ASB18: variants seen among roughly 807,000 people sequenced by gnomAD.
The protein encoded by ASB18 is ankyrin repeat and SOCS box protein 18.
In ASB18, 33 loss-of-function variants were observed where a neutral mutation model predicts 33.4. That is an observed-to-expected ratio of 0.99 (90% CI 0.75 to 1.32). The LOEUF (loss-of-function observed/expected upper bound fraction) is 1.32, where lower values mean the gene tolerates loss of function less well. ASB18 is among the 40% of genes most tolerant of loss of function. The probability of loss-of-function intolerance (pLI) is 0.00; values close to 1 mark genes in which losing one functional copy is unlikely to be tolerated. For missense variants in ASB18, 694 were observed against 655.5 expected (o/e 1.06, Z -0.64); for synonymous variants, 295 against 307.6 (o/e 0.96, Z 0.43).
intron 4 of ASB18, among the ~76,000 whole-genome samples, chr2:236,202,777 C>CAAAAAAAAAAAAAAA (rs34973734): frequency 5.8e-5 from 4 of 68,728 alleles, no homozygotes; most frequent in Non-Finnish European, 8.8e-5. Context: ...GACTCCGTCT[C>CAAAAAAAAAAAAAAA]AAAAAAAAAA....
At position 236,215,282 on chromosome 2, in the gene ASB18, G is replaced by A. The variant is rs2060482813; in HGVS notation, c.597-416C>T. On this transcript the variant is annotated intron_variant, in intron 3 of 5. Coordinates refer to ENST00000409749, the MANE Select transcript of ASB18 (RefSeq NM_212556.4). This position sits in a 1 kb window ranked among gnomAD's most constrained non-coding sequence, Gnocchi z 7.2. ...CCCTTGGGGGTCAGACTCTTTCCCG[G>A]CCCCCATCTAGCCCTTCTGGAAACC... Among the ~76,000 whole-genome samples the A allele has an allele frequency of 6.6e-6, 1 of 152,052 alleles. No homozygotes were observed. The highest frequency in any genetic ancestry group is 2.1e-4 in the South Asian group (1 of 4,824).
chr2:236,240,306 C>G (rs756555798), intron 2 of ASB18, among the ~76,000 whole-genome samples: 2 of 152,154 alleles, frequency 1.3e-5, no homozygotes, highest in Non-Finnish European at 2.9e-5. Context: ...AGGAGCTGCT[C>G]GGCCCTCTGA....
chr2:236,224,994 A>G (rs2060530661), intron 3 of ASB18, among the ~76,000 whole-genome samples: 1 of 152,198 alleles, frequency 6.6e-6, no homozygotes, highest in Non-Finnish European at 1.5e-5. Flanking sequence ...TTATGTATCA[A>G]TGCCTGTGAG....
In ASB18 at chr2:236,263,059, TGGG is replaced by T. The variant is rs2060727425; in HGVS notation, c.205+1079_205+1081del. Among the ~76,000 whole-genome samples, 1 of 152,174 alleles carries T rather than the reference TGGG, an allele frequency of 6.6e-6. No homozygotes were observed. Among genetic ancestry groups the T allele is most frequent in the African/African-American group, 2.4e-5 (1 of 41,444 alleles). On this transcript the variant is annotated intron_variant, in intron 1 of 5. Coordinates refer to ENST00000409749, the MANE Select transcript of ASB18 (RefSeq NM_212556.4). The surrounding 1 kb of genome is among the most constrained non-coding windows in gnomAD (Gnocchi z 4.0). The stretch of plus-strand genomic sequence containing the variant: ...TGCGTGTGCGTGTGTGCACCTATGT[TGGG>T]AGGGAGAATGGGGGTGGAAAGGAGC...
rs1405729986 is a variant in ASB18 at position 236,250,795 on chromosome 2, GC to G, written c.206-9394del. 6.6e-6 allele frequency: 1 copy of G among 152,136 alleles called. No individual in the cohort carries two copies. Among genetic ancestry groups the G allele is most frequent in the Non-Finnish European group, 1.5e-5 (1 of 68,026 alleles). 9.4% of individuals were successfully genotyped at this position (152,136 alleles called of 1,614,324 possible). On this transcript the variant is annotated intron_variant, in intron 1 of 5. Transcript: ENST00000409749. The surrounding 1 kb of genome is among the most constrained non-coding windows in gnomAD (Gnocchi z 4.1). ...AAGCTGGGCAGGTATATAAAGTTCT[GC>G]TTTTAAGAGTTCCAGGACACATCCA...
chr2:236,198,004 G>A, intron 4 of ASB18, among the ~76,000 whole-genome samples: 1 of 152,164 alleles, frequency 6.6e-6, no homozygotes, highest in East Asian at 1.9e-4. Context: ...TATATCTGCA[G>A]CAATGACCTG....
At chr2:236,246,584 T>C (rs1037392355) in intron 1 of ASB18, among the ~76,000 whole-genome samples, 4 of 151,846 alleles carry the variant, frequency 2.6e-5, no homozygotes, top group Non-Finnish European at 5.9e-5. Context: ...AAAGAAGAAA[T>C]AGACCATGTT....
At position 236,200,970 on chromosome 2, in the gene ASB18, T is replaced by C. The variant is rs971074632; in HGVS notation, c.1102-4585A>G. 1.4e-4 allele frequency among the ~76,000 whole-genome samples: 21 copies of C among 152,260 alleles called. No homozygotes were observed. The highest frequency in any genetic ancestry group is 4.6e-4 in the African/African-American group (19 of 41,472). ...TTAGGTATGTTTTGTTTGTCTTTCATGCTCCTTGGATTGACTGCTCAGTTA... is the reference window on the plus strand; with the variant it reads ...TTAGGTATGTTTTGTTTGTCTTTCACGCTCCTTGGATTGACTGCTCAGTTA... On this transcript the variant is annotated intron_variant, in intron 4 of 5. Transcript: ENST00000409749. This position sits in a 1 kb window ranked among gnomAD's most constrained non-coding sequence, Gnocchi z 4.2.
rs931167408 is a variant in ASB18 at position 236,244,414 on chromosome 2, A to G, written c.206-3012T>C. Among the ~76,000 whole-genome samples the G allele has an allele frequency of 1.3e-5, 2 of 152,218 alleles. No individual in the cohort carries two copies. Among genetic ancestry groups the G allele is most frequent in the Non-Finnish European group, 2.9e-5 (2 of 68,038 alleles). Reference sequence around the variant, plus strand: ...CAGCCAGTGTTAGACCTGGGGACCCATGGGATCCCATCCCCACATGGTGTT... The same window carrying G: ...CAGCCAGTGTTAGACCTGGGGACCCGTGGGATCCCATCCCCACATGGTGTT... On this transcript the variant is annotated intron_variant, in intron 1 of 5. Coordinates refer to ENST00000409749, the MANE Select transcript of ASB18 (RefSeq NM_212556.4). The surrounding 1 kb of genome is among the most constrained non-coding windows in gnomAD (Gnocchi z 6.1).
In ASB18 at chr2:236,259,507, G is replaced by C. The variant is rs2060708544; in HGVS notation, c.205+4634C>G. 4.2e-6 allele frequency: 2 copies of C among 471,048 alleles called. No homozygotes were observed. Among genetic ancestry groups the C allele is most frequent in the Non-Finnish European group, 8.8e-6 (2 of 226,978 alleles). The allele number at this position is 471,048 out of a possible 1,614,324, so 29.2% of individuals were successfully genotyped here. A position where few individuals can be genotyped will look rare whatever the true frequency, so the allele number is the denominator to read the frequency against. On this transcript the variant is annotated intron_variant, in intron 1 of 5. Coordinates refer to ENST00000409749, the MANE Select transcript of ASB18 (RefSeq NM_212556.4). This position sits in a 1 kb window ranked among gnomAD's most constrained non-coding sequence, Gnocchi z 4.4. ...CTAAGGGCTTTATGCTTTCATGCAGGGAGGATGCACGATTTCTGTCCCAGT... is the reference window on the plus strand; with the variant it reads ...CTAAGGGCTTTATGCTTTCATGCAGCGAGGATGCACGATTTCTGTCCCAGT...
rs1324606045 is a variant in ASB18, at chr2:236,255,145, C to CT, written c.205+8995dup. On this transcript the variant is annotated intron_variant, in intron 1 of 5. Coordinates refer to ENST00000409749, the MANE Select transcript of ASB18 (RefSeq NM_212556.4). This position sits in a 1 kb window ranked among gnomAD's most constrained non-coding sequence, Gnocchi z 4.4. ...AAACCTCTGGTATTTCTTTCTTTTT[C>CT]TTTTTTTTCTTTCTTTGAGACGGAG... 4.9e-4 allele frequency among the ~76,000 whole-genome samples: 75 copies of CT among 152,050 alleles called. 7 individuals are homozygous for CT. The highest frequency in any genetic ancestry group is 3.9e-4 in the East Asian group (2 of 5,170).
rs1486425103 is a variant in ASB18, at chr2:236,214,621, C to CGCA, written c.839_841dup (p.Leu280dup). Reference sequence around the variant, plus strand: ...GCGCGCGTCCGCCTCCGCCCCGCGCCGCAGCAGCAGCGCGCACAGGCGCAG... The same window carrying CGCA: ...GCGCGCGTCCGCCTCCGCCCCGCGCCGCAGCAGCAGCAGCGCGCACAGGCGCAG... On this transcript the variant is annotated inframe_insertion, in exon 4 of 6. Coordinates refer to ENST00000409749, the MANE Select transcript of ASB18 (RefSeq NM_212556.4). The surrounding 1 kb of genome is among the most constrained non-coding windows in gnomAD (Gnocchi z 6.5). 8.3e-7 allele frequency: 1 copy of CGCA among 1,202,344 alleles called. No individual in the cohort carries two copies. The highest frequency in any genetic ancestry group is 1.0e-6 in the Non-Finnish European group (1 of 970,868). The allele number at this position is 1,202,344 out of a possible 1,614,324, so 74.5% of individuals were successfully genotyped here.
intron 4 of ASB18, among the ~76,000 whole-genome samples, chr2:236,197,683 G>A (rs1049860369): frequency 3.9e-5 from 6 of 152,142 alleles, no homozygotes; most frequent in Non-Finnish European, 8.8e-5. Context: ...TTAGCTGGGC[G>A]TGGTGGCACA....
rs11904736 is a variant in ASB18 at position 236,248,517 on chromosome 2, T to C, written c.206-7115A>G. ...CTGAGGCAGGAGAATTGCTTGAACC[T>C]GGGAGGCAGAGGTTGTGGTGAGTTG... On this transcript the variant is annotated intron_variant, in intron 1 of 5. Coordinates refer to ENST00000409749, the MANE Select transcript of ASB18 (RefSeq NM_212556.4). This position sits in a 1 kb window ranked among gnomAD's most constrained non-coding sequence, Gnocchi z 4.9. 39,729 of 151,202 alleles carry C rather than the reference T, an allele frequency of 0.26. 7,847 individuals are homozygous for C. The highest frequency in any genetic ancestry group is 0.56 in the African/African-American group (23,153 of 41,180). 9.4% of individuals were successfully genotyped at this position (151,202 alleles called of 1,614,324 possible).
chr2:236,227,798 C>T (rs140076290), intron 3 of ASB18, among the ~76,000 whole-genome samples: 9 of 152,338 alleles, frequency 5.9e-5, no homozygotes, highest in Non-Finnish European at 1.3e-4. Flanking sequence ...TGGTAGAAAT[C>T]CACTGGCATC....
chr2:236,224,192 T>G (rs1042140282), intron 3 of ASB18, among the ~76,000 whole-genome samples: 14 of 146,908 alleles, frequency 9.5e-5, no homozygotes, highest in Middle Eastern at 3.5e-3. Context: ...CAGGTTTTTT[T>G]TTTTTTTTTT....
chr2:236,232,303 G>A (rs559922608), intron 3 of ASB18, among the ~76,000 whole-genome samples: 11 of 150,404 alleles, frequency 7.3e-5, no homozygotes, highest in Middle Eastern at 3.4e-3. Flanking sequence ...AAAACTGATC[G>A]AAAGTAAAAA....
chr2:236,195,011 G>C lies in ASB18; in HGVS notation c.1262C>G (p.Pro421Arg), dbSNP rs768808929. 6.2e-7 allele frequency: 1 copy of C among 1,613,634 alleles called. No individual in the cohort carries two copies. The highest frequency in any genetic ancestry group is 1.3e-5 in the African/African-American group (1 of 74,932). ...GCGGCAAAGATGCTGCAGGCAGCGT[G>C]GGGTGAGGGCCAAGGCAAAGAGGGA... Reference protein sequence around the residue: ...YQSLFALALTPRCLQHLCRCA... With the variant: ...YQSLFALALTRRCLQHLCRCA... The change falls in exon 6 of 6, where the codon CCA (proline) becomes CGA (arginine). Residue 421 changes from proline to arginine, a missense_variant. Transcript: ENST00000409749. The surrounding 1 kb of genome is among the most constrained non-coding windows in gnomAD (Gnocchi z 5.5).
In ASB18 at chr2:236,223,336, C is replaced by G. The variant is rs2060521507; in HGVS notation, c.597-8470G>C. On this transcript the variant is annotated intron_variant, in intron 3 of 5. Transcript: ENST00000409749. The surrounding 1 kb of genome is among the most constrained non-coding windows in gnomAD (Gnocchi z 4.6). ...CCTCAGTAAGGCATGCATAACATTT[C>G]TTTCTCTTTCTCTCATCCCCTGGTC... Among the ~76,000 whole-genome samples the G allele has an allele frequency of 6.6e-6, 1 of 152,190 alleles. No individual in the cohort carries two copies. The highest frequency in any genetic ancestry group is 2.4e-5 in the African/African-American group (1 of 41,436).
Sources: allele counts gnomAD v4.1 joint callset (sites outside exome capture counted in the v4.1 genomes callset), GRCh38; gene constraint gnomAD v4.1.1; non-coding constraint Gnocchi (gnomAD v3.1); transcripts MANE v1.5; gene names NCBI Gene and HGNC (gene_info 2026-07-23, HGNC 2026-07-21).